Variants in UTRN observed in about 807,000 individuals in gnomAD.
The protein encoded by UTRN is utrophin, also known as dystrophin-related protein 1.
Under a neutral mutation model 463.9 loss-of-function variants are expected in UTRN, and 283 were observed. The observed-to-expected ratio is 0.61, with a 90% CI of 0.55 to 0.67. UTRN has a LOEUF of 0.67. UTRN is among the 30% of genes least tolerant of loss of function. The pLI is 0.00. For synonymous variants in UTRN, 1,442 were observed against 1,431.5 expected, an observed-to-expected ratio of 1.01 and a Z score of -0.17; for missense variants, 3,922 against 4,084.3, an observed-to-expected ratio of 0.96 and a Z score of 1.08.
Position 144,782,132 on chromosome 6 carries a change from A to G in UTRN, c.8834+9A>G, listed in dbSNP as rs576864866. 44 of 1,564,442 alleles carry G rather than the reference A, an allele frequency of 2.8e-5. No homozygotes were observed. The South Asian group carries it at 4.5e-4, about 16-fold the overall frequency. ...CTCAATGTCTATGACACGTAAGTTT[A>G]TATTTTTTCTCATTAAAATACGATC... is the stretch of plus-strand genomic sequence containing the variant. On this transcript the variant is annotated intron_variant, in intron 61 of 74. Coordinates refer to ENST00000367545, the MANE Select transcript of UTRN (RefSeq NM_007124.3).
At chr6:144,847,296 A>C (rs1230734021) in intron 74 of UTRN, among the ~76,000 whole-genome samples, 8 of 152,228 alleles carry the variant, frequency 5.3e-5, no homozygotes, top group Admixed American at 2.6e-4. Flanking sequence ...ATTTTCTATA[A>C]ACCAAAAAGT....
At chr6:144,497,178 G>A (rs1235461931) in intron 33 of UTRN, among the ~76,000 whole-genome samples, 1 of 152,158 alleles carries the variant, frequency 6.6e-6, no homozygotes, top group Non-Finnish European at 1.5e-5. Flanking sequence ...TGAGGAGACT[G>A]GTTTCGAAGT....
At chr6:144,353,983 A>G (rs1167788978) in intron 2 of UTRN, among the ~76,000 whole-genome samples, 1 of 152,170 alleles carries the variant, frequency 6.6e-6, no homozygotes, top group Admixed American at 6.5e-5. Flanking sequence ...GGGATGTTTT[A>G]AAGTTGGTTT....
At chr6:144,733,139 T>G (rs1012316765) in intron 54 of UTRN, among the ~76,000 whole-genome samples, 6 of 152,216 alleles carry the variant, frequency 3.9e-5, no homozygotes, top group Admixed American at 2.0e-4. Flanking sequence ...TCTGAAGATA[T>G]CATTTGCTGA....
intron 58 of UTRN, among the ~76,000 whole-genome samples, chr6:144,771,286 T>C (rs1194153004): frequency 6.6e-6 from 1 of 152,112 alleles, no homozygotes; most frequent in African/African-American, 2.4e-5. Flanking sequence ...TATTAAAAAA[T>C]TTTTATAAAA....
intron 41 of UTRN, among the ~76,000 whole-genome samples, chr6:144,527,610 C>T (rs1418990454): frequency 1.3e-5 from 2 of 152,200 alleles, no homozygotes; most frequent in African/African-American, 2.4e-5. Flanking sequence ...TTGGATTTCT[C>T]TTTTACTTGG....
chr6:144,348,374 G>A (rs768502964), intron 2 of UTRN, among the ~76,000 whole-genome samples: 39 of 152,170 alleles, frequency 2.6e-4, no homozygotes, highest in Non-Finnish European at 4.0e-4. Context: ...CTGAAAGGAA[G>A]GAACGTTGTC....
intron 2 of UTRN, among the ~76,000 whole-genome samples, chr6:144,385,352 G>A (rs190703206): frequency 1.6e-4 from 25 of 152,262 alleles, no homozygotes; most frequent in Non-Finnish European, 3.1e-4. Context: ...CCCAAGTCCC[G>A]GAGCGAATGC....
At chr6:144,409,826 A>G (rs754518975) in intron 3 of UTRN, among the ~76,000 whole-genome samples, 1 of 152,212 alleles carries the variant, frequency 6.6e-6, no homozygotes, top group Non-Finnish European at 1.5e-5. Flanking sequence ...CAACACTGGT[A>G]CCTCTGGTTA....
Position 144,550,936 on chromosome 6 carries a change from C to A in UTRN, c.6811-29C>A, listed in dbSNP as rs1193791139. ...TATTCTTCTCATATGGCTTATTAACCTATCCGAATAATCATTTCTACTTAA... is the reference window on the plus strand; with the variant it reads ...TATTCTTCTCATATGGCTTATTAACATATCCGAATAATCATTTCTACTTAA... On this transcript the variant is annotated intron_variant, in intron 47 of 74. Transcript: ENST00000367545. 5.8e-6 allele frequency: 9 copies of A among 1,551,608 alleles called. No individual in the cohort carries two copies. The South Asian group carries it at 8.5e-5, about 15-fold the overall frequency.
At chr6:144,778,640 A>T (rs1012627863) in intron 60 of UTRN, among the ~76,000 whole-genome samples, 1 of 151,808 alleles carries the variant, frequency 6.6e-6, no homozygotes, top group Non-Finnish European at 1.5e-5. Context: ...TAAAATAAAA[A>T]AATAAAGAAT....
At chr6:144,815,225 G>T (rs1778973381) in intron 65 of UTRN, among the ~76,000 whole-genome samples, 1 of 152,304 alleles carries the variant, frequency 6.6e-6, no homozygotes, top group South Asian at 2.1e-4. Flanking sequence ...TCATGATACT[G>T]AAAATTAGTC....
At chr6:144,524,191 T>G (rs1221347842) in intron 41 of UTRN, among the ~76,000 whole-genome samples, 1 of 152,236 alleles carries the variant, frequency 6.6e-6, no homozygotes, top group Admixed American at 6.5e-5. Flanking sequence ...GCCTTTGGTA[T>G]ATTCCTTTGT....
At chr6:144,673,722 T>G (rs1781290265) in intron 51 of UTRN, among the ~76,000 whole-genome samples, 1 of 152,046 alleles carries the variant, frequency 6.6e-6, no homozygotes, top group Non-Finnish European at 1.5e-5. Flanking sequence ...AAAAATTGTG[T>G]TGTTGTTTTA....
chr6:144,340,782 A>C (rs149737321), intron 2 of UTRN, among the ~76,000 whole-genome samples: 634 of 152,350 alleles, frequency 4.2e-3, no homozygotes, highest in Middle Eastern at 6.8e-3. Flanking sequence ...GTAATCTAGC[A>C]GAAGAATGGA....
At chr6:144,320,860 CTGTTAAG>C (rs761428023) in intron 2 of UTRN, among the ~76,000 whole-genome samples, 1 of 152,136 alleles carries the variant, frequency 6.6e-6, no homozygotes, top group Non-Finnish European at 1.5e-5. Flanking sequence ...TTTTTGAAAT[CTGTTAAG>C]TGTTGAGTTT....
At position 144,340,706 on chromosome 6, in the gene UTRN, C is replaced by T. The variant is rs571547407; in HGVS notation, c.79+48799C>T. On this transcript the variant is annotated intron_variant, in intron 2 of 74. Transcript: ENST00000367545. ...TAGATTGAATAAGAAAGCGCATACCCTAGACAGATACTTGCAACATAAATG... is the reference window on the plus strand; with the variant it reads ...TAGATTGAATAAGAAAGCGCATACCTTAGACAGATACTTGCAACATAAATG... 5.3e-5 allele frequency among the ~76,000 whole-genome samples: 8 copies of T among 152,298 alleles called. No individual in the cohort carries two copies. The South Asian group carries it at 1.7e-3, about 32-fold the overall frequency.
At chr6:144,813,714 C>G (rs4895654) in intron 65 of UTRN, among the ~76,000 whole-genome samples, 90,442 of 152,110 alleles carry the variant, frequency 0.59, 30,925 homozygotes, top group East Asian at 0.95. Flanking sequence ...AGAGGAAAGA[C>G]AAGGAAGTGA....
chr6:144,306,502 G>A (rs905270539), intron 2 of UTRN, among the ~76,000 whole-genome samples: 1 of 152,050 alleles, frequency 6.6e-6, no homozygotes, highest in Non-Finnish European at 1.5e-5. Context: ...GGAGAGAGAA[G>A]CCTGGTTTTT....
Sources: gnomAD v4.1 joint callset for allele counts (sites outside exome capture counted in the v4.1 genomes callset) on GRCh38, gnomAD v4.1.1 for gene constraint, MANE v1.5 for transcripts, NCBI Gene and HGNC (gene_info 2026-07-23, HGNC 2026-07-21) for gene names.